Variants in HS6ST3 observed in about 807,000 individuals in gnomAD.
The protein encoded by HS6ST3 is heparan sulfate 6-O-sulfotransferase 3.
Under a neutral mutation model 36.7 loss-of-function variants are expected in HS6ST3, and 12 were observed. That is an observed-to-expected ratio of 0.33 (90% confidence interval 0.21 to 0.53). The LOEUF is 0.53. Among genes scored for constraint, HS6ST3 ranks in the 20% least tolerant of loss-of-function variants. HS6ST3 has a pLI of 0.95. For synonymous variants in HS6ST3, 240 were observed against 257.5 expected (o/e 0.93, Z 0.65); for missense variants, 584 against 640.9 (o/e 0.91, Z 0.96).
At chr13:96,235,123 ATGT>A (rs1566296735) in intron 1 of HS6ST3, among the ~76,000 whole-genome samples, 1 of 152,294 alleles carries the variant, frequency 6.6e-6, no homozygotes, top group South Asian at 2.1e-4. Context: ...AGAATCTTTA[ATGT>A]TGTTGGAAAA....
chr13:96,480,139 G>A (rs533496156), intron 1 of HS6ST3, among the ~76,000 whole-genome samples: 36 of 152,284 alleles, frequency 2.4e-4, no homozygotes, highest in Middle Eastern at 3.4e-3. Flanking sequence ...TTAAGATGGA[G>A]TTTCACTCTT....
chr13:96,389,927 A>G (rs1370842404), intron 1 of HS6ST3, among the ~76,000 whole-genome samples: 1 of 152,180 alleles, frequency 6.6e-6, no homozygotes, highest in African/African-American at 2.4e-5. Context: ...CTGAGGCCCA[A>G]CTCAGCAAGG....
chr13:96,822,667 T>C (rs532365177), intron 1 of HS6ST3, among the ~76,000 whole-genome samples: 2 of 152,352 alleles, frequency 1.3e-5, no homozygotes, highest in Admixed American at 6.5e-5. Flanking sequence ...ATGACCTGTA[T>C]GATCGAGAAG....
intron 1 of HS6ST3, among the ~76,000 whole-genome samples, chr13:96,394,642 C>G (rs2389667): frequency 0.83 from 125,685 of 152,148 alleles, 52,274 homozygotes; most frequent in Non-Finnish European, 0.87. Context: ...TGCAGAACTT[C>G]AAGAAAGGCA....
intron 1 of HS6ST3, among the ~76,000 whole-genome samples, chr13:96,660,523 A>G (rs192533334): frequency 1.3e-5 from 2 of 152,282 alleles, no homozygotes; most frequent in Admixed American, 1.3e-4. Context: ...CATAAAAATC[A>G]ACTCAAAATA....
At chr13:96,595,470 C>T (rs981843699) in intron 1 of HS6ST3, among the ~76,000 whole-genome samples, 26 of 151,074 alleles carry the variant, frequency 1.7e-4, no homozygotes, top group African/African-American at 6.1e-4. Flanking sequence ...TTCTCTCTCT[C>T]TCTCTCTTTG....
chr13:96,762,567 A>C (rs900091124), intron 1 of HS6ST3, among the ~76,000 whole-genome samples: 1 of 152,204 alleles, frequency 6.6e-6, no homozygotes. Context: ...CAGCAGTGGA[A>C]GGTGATGGCT....
chr13:96,520,025 A>G (rs1299451676), intron 1 of HS6ST3, among the ~76,000 whole-genome samples: 1 of 152,114 alleles, frequency 6.6e-6, no homozygotes, highest in African/African-American at 2.4e-5. Flanking sequence ...TTGACAAACT[A>G]TTTGAACCTC....
chr13:96,780,476 C>A (rs752253152), intron 1 of HS6ST3, among the ~76,000 whole-genome samples: 1 of 152,140 alleles, frequency 6.6e-6, no homozygotes, highest in African/African-American at 2.4e-5. Context: ...TCCCTATTTC[C>A]TCCCTTAATC....
chr13:96,821,882 G>A (rs1294225834), intron 1 of HS6ST3, among the ~76,000 whole-genome samples: 1 of 152,190 alleles, frequency 6.6e-6, no homozygotes, highest in Non-Finnish European at 1.5e-5. Flanking sequence ...TTCTTGTGAT[G>A]TTTTTGGAAA....
At chr13:96,780,826 G>A (rs1460648969) in intron 1 of HS6ST3, among the ~76,000 whole-genome samples, 1 of 151,972 alleles carries the variant, frequency 6.6e-6, no homozygotes, top group Non-Finnish European at 1.5e-5. Flanking sequence ...TGTGTCTATG[G>A]ACAAGCTGGT....
rs1227612342 is a variant in HS6ST3, at chr13:96,834,779, T to A, written c.*1581T>A. ...ACTTCTCAGCCTCCAGAATACTCTC[T>A]CTGGGGTTGTGAGTCAGTCAGCCCA... is the stretch of plus-strand genomic sequence containing the variant. On this transcript the variant is annotated 3_prime_UTR_variant, in exon 2 of 2. Coordinates refer to ENST00000376705, the MANE Select transcript of HS6ST3 (RefSeq NM_153456.4). 3 of 152,590 alleles carry A rather than the reference T, an allele frequency of 2.0e-5. No individual in the cohort carries two copies. Among genetic ancestry groups the A allele is most frequent in the African/African-American group, 7.2e-5 (3 of 41,440 alleles). The allele number at this position is 152,590 out of a possible 1,614,324, so 9.5% of individuals were successfully genotyped here.
chr13:96,664,219 T>G (rs1005363500), intron 1 of HS6ST3, among the ~76,000 whole-genome samples: 4 of 152,134 alleles, frequency 2.6e-5, no homozygotes, highest in African/African-American at 9.7e-5. Flanking sequence ...AGTGTATGTG[T>G]GTATGTGCAC....
At chr13:96,351,094 G>T (rs892496878) in intron 1 of HS6ST3, among the ~76,000 whole-genome samples, 1 of 151,850 alleles carries the variant, frequency 6.6e-6, no homozygotes, top group East Asian at 1.9e-4. Flanking sequence ...CACTTCCCAT[G>T]GTTTAGAGAA....
At chr13:96,514,947 T>G (rs1367724886) in intron 1 of HS6ST3, among the ~76,000 whole-genome samples, 1 of 152,184 alleles carries the variant, frequency 6.6e-6, no homozygotes, top group Non-Finnish European at 1.5e-5. Flanking sequence ...TAATAGTAAT[T>G]TCTAATAAAA....
intron 1 of HS6ST3, among the ~76,000 whole-genome samples, chr13:96,263,697 T>C (rs1332243397): frequency 1.3e-5 from 2 of 152,212 alleles, no homozygotes; most frequent in South Asian, 2.1e-4. Context: ...AGATTTAGTA[T>C]AGATTATAGA....
rs533024045 is a variant in HS6ST3 at position 96,662,856 on chromosome 13, G to A, written c.708-169634G>A. 2.6e-5 allele frequency among the ~76,000 whole-genome samples: 4 copies of A among 152,234 alleles called. No homozygotes were observed. In the South Asian group the frequency reaches 6.2e-4, roughly 24 times the overall value. ...CTTTGCTCTTCTGTCAGCAAGTTTTGTGTTGGGTTGTGCAGTTCAACCTCC... is the reference window on the plus strand; with the variant it reads ...CTTTGCTCTTCTGTCAGCAAGTTTTATGTTGGGTTGTGCAGTTCAACCTCC... On this transcript the variant is annotated intron_variant, in intron 1 of 1. Transcript: ENST00000376705.
At chr13:96,274,748 T>A (rs1414533161) in intron 1 of HS6ST3, among the ~76,000 whole-genome samples, 3 of 151,958 alleles carry the variant, frequency 2.0e-5, no homozygotes, top group Non-Finnish European at 4.4e-5. Context: ...CAAGCGAAGC[T>A]GTGGGAACAT....
intron 1 of HS6ST3, among the ~76,000 whole-genome samples, chr13:96,235,840 A>T (rs1393331251): frequency 3.3e-5 from 5 of 152,156 alleles, no homozygotes; most frequent in Non-Finnish European, 7.4e-5. Flanking sequence ...AGAGGGACAG[A>T]ACTAATAGGC....
Sources: gnomAD v4.1 joint callset for allele counts (sites outside exome capture counted in the v4.1 genomes callset) on GRCh38, gnomAD v4.1.1 for gene constraint, MANE v1.5 for transcripts, NCBI Gene and HGNC (gene_info 2026-07-23, HGNC 2026-07-21) for gene names.